The following METTL15 variants were observed in gnomAD, a reference collection of about 807,000 sequenced individuals.
METTL15 encodes methyltransferase 15, mitochondrial 12S rRNA N4-cytidine.
In METTL15, 34 loss-of-function variants were observed where a neutral mutation model predicts 38.3. The ratio of observed to expected loss-of-function variants is 0.89; its 90% confidence interval spans 0.68 to 1.18. The LOEUF (loss-of-function observed/expected upper bound fraction) is 1.18. Among genes scored for constraint, METTL15 ranks in the 50% most tolerant of loss-of-function variants. The pLI is 0.00. For synonymous variants in METTL15, 162 were observed against 170.9 expected (o/e 0.95, Z 0.41); for missense variants, 438 against 498.4 (o/e 0.88, Z 1.15).
chr11:28,421,263 C>T (rs1165524690), intron 5 of METTL15, among the ~76,000 whole-genome samples: 3 of 151,992 alleles, frequency 2.0e-5, no homozygotes, highest in African/African-American at 7.2e-5. Context: ...GGCGGATTCA[C>T]TGCTGAATTT....
chr11:28,190,444 TATTAA>T (rs1375369549), intron 3 of METTL15, among the ~76,000 whole-genome samples: 4 of 151,398 alleles, frequency 2.6e-5, no homozygotes, highest in Non-Finnish European at 5.9e-5. Context: ...TACGTAACTC[TATTAA>T]GAGTGCAAAG....
chr11:28,216,232 T>C (rs1269686104), intron 4 of METTL15, among the ~76,000 whole-genome samples: 7 of 151,908 alleles, frequency 4.6e-5, no homozygotes, highest in Admixed American at 1.3e-4. Flanking sequence ...AGATATAAGA[T>C]TACACTATAA....
At chr11:28,388,603 C>T (rs960271426) in intron 5 of METTL15, among the ~76,000 whole-genome samples, 1 of 152,010 alleles carries the variant, frequency 6.6e-6, no homozygotes, top group East Asian at 1.9e-4. Context: ...GATTACAAGA[C>T]AATATTGTTA....
chr11:28,110,376 C>G lies in METTL15; in HGVS notation c.-43C>G, dbSNP rs954916910. The stretch of plus-strand genomic sequence containing the variant: ...GGTAGTCGCTGGCCCGAGTTAGAGG[C>G]CAGCTGAGAAGTCTTCGTGCTTCAG... On this transcript the variant is annotated 5_prime_UTR_variant, in exon 2 of 7. Coordinates refer to ENST00000407364, the MANE Select transcript of METTL15 (RefSeq NM_001113528.2). The G allele has an allele frequency of 6.6e-6, 1 of 152,246 alleles. No homozygotes were observed. The highest frequency in any genetic ancestry group is 2.4e-5 in the African/African-American group (1 of 41,424). The allele number at this position is 152,246 out of a possible 1,614,324, so 9.4% of individuals were successfully genotyped here. A position where few individuals can be genotyped will look rare whatever the true frequency, so the allele number is the denominator to read the frequency against.
At chr11:28,353,931 CAAAAAA>C (rs374097845) in intron 4 of METTL15, among the ~76,000 whole-genome samples, 967 of 46,330 alleles carry the variant, frequency 0.021, 3 homozygotes, top group Middle Eastern at 0.033. Flanking sequence ...GACTCCGTCT[CAAAAAA>C]AAAAAAAAAA....
intron 4 of METTL15, chr11:28,287,277 C>T: frequency 1.0e-5 from 2 of 199,750 alleles, no homozygotes; most frequent in South Asian, 6.6e-5. Flanking sequence ...GTGTTTTCTT[C>T]TTGCATCTTC....
intron 5 of METTL15, among the ~76,000 whole-genome samples, chr11:28,295,816 A>G (rs1480773451): frequency 6.6e-6 from 1 of 152,090 alleles, no homozygotes; most frequent in East Asian, 1.9e-4. Flanking sequence ...TTGGACCCTC[A>G]GTTCTTAAAG....
intron 4 of METTL15, among the ~76,000 whole-genome samples, chr11:28,253,152 C>T (rs1006294434): frequency 2.0e-5 from 3 of 152,286 alleles, no homozygotes; most frequent in Admixed American, 2.0e-4. Flanking sequence ...TTCCCCTAAG[C>T]TCCACTGAAG....
chr11:28,209,009 T>A (rs185700470), intron 3 of METTL15, among the ~76,000 whole-genome samples: 164 of 152,134 alleles, frequency 1.1e-3, no homozygotes, highest in African/African-American at 2.2e-3. Flanking sequence ...GTTTCTGTGT[T>A]ACACTTGACT....
At position 28,472,327 on chromosome 11, in the gene METTL15, A is replaced by C. The variant is rs1450272946; in HGVS notation, c.*424+47963A>C. Among the ~76,000 whole-genome samples, 10 of 152,174 alleles carry C rather than the reference A, an allele frequency of 6.6e-5. 1 individual carries two copies. Among genetic ancestry groups the C allele is most frequent in the Non-Finnish European group, 1.5e-4 (10 of 68,018 alleles). On this transcript the variant is annotated intron_variant and NMD_transcript_variant, in intron 6 of 7. Transcript: ENST00000532947. The stretch of plus-strand genomic sequence containing the variant: ...TTCCAAAGCACTCAATAAAGTAGTC[A>C]TCAATCTCCTAATACAACTGTAATT...
chr11:28,420,214 T>C (rs1324910812), intron 5 of METTL15, among the ~76,000 whole-genome samples: 1 of 152,046 alleles, frequency 6.6e-6, no homozygotes, highest in African/African-American at 2.4e-5. Context: ...CACCCAGATA[T>C]ATAAAACAAA....
intron 3 of METTL15, among the ~76,000 whole-genome samples, chr11:28,136,542 C>T (rs1467861585): frequency 6.6e-6 from 1 of 152,070 alleles, no homozygotes; most frequent in Non-Finnish European, 1.5e-5. Flanking sequence ...ATGTGGTTTA[C>T]AATAACATAA....
At chr11:28,286,602 A>G (rs2133981673) in intron 4 of METTL15, among the ~76,000 whole-genome samples, 1 of 152,184 alleles carries the variant, frequency 6.6e-6, no homozygotes, top group African/African-American at 2.4e-5. Flanking sequence ...AATAGTGATA[A>G]AATAGCTATC....
chr11:28,204,026 A>G (rs1852214817), intron 3 of METTL15, among the ~76,000 whole-genome samples: 1 of 152,026 alleles, frequency 6.6e-6, no homozygotes, highest in Non-Finnish European at 1.5e-5. Context: ...ATTTTGAAGA[A>G]TGTTTCTAGA....
chr11:28,391,222 T>A (rs577109059), intron 5 of METTL15, among the ~76,000 whole-genome samples: 5 of 152,066 alleles, frequency 3.3e-5, no homozygotes, highest in Non-Finnish European at 7.4e-5. Flanking sequence ...ACCCTTTATT[T>A]CCTTCTCCTG....
At chr11:28,233,597 A>G (rs916866381) in intron 4 of METTL15, among the ~76,000 whole-genome samples, 11 of 152,048 alleles carry the variant, frequency 7.2e-5, no homozygotes, top group Admixed American at 2.6e-4. Context: ...TGAGTGAGGT[A>G]TAAGTGATAA....
At chr11:28,325,499 G>A (rs1371446282) in intron 6 of METTL15, among the ~76,000 whole-genome samples, 1 of 152,214 alleles carries the variant, frequency 6.6e-6, no homozygotes, top group Non-Finnish European at 1.5e-5. Context: ...ACCCGATGAT[G>A]TGAATGAAAC....
At chr11:28,393,161 T>A (rs548249712) in intron 5 of METTL15, among the ~76,000 whole-genome samples, 13 of 152,102 alleles carry the variant, frequency 8.5e-5, no homozygotes, top group Non-Finnish European at 1.3e-4. Context: ...GATCCTTCAA[T>A]CTTACTTTTG....
intron 6 of METTL15, among the ~76,000 whole-genome samples, chr11:28,305,052 G>A (rs1199946825): frequency 6.6e-6 from 1 of 152,090 alleles, no homozygotes; most frequent in African/African-American, 2.4e-5. Context: ...CAAATTTCTC[G>A]AACTCAATCT....
Sources: gnomAD v4.1 joint callset for allele counts (sites outside exome capture counted in the v4.1 genomes callset) on GRCh38, gnomAD v4.1.1 for gene constraint, MANE v1.5 for transcripts, NCBI Gene and HGNC (gene_info 2026-07-23, HGNC 2026-07-21) for gene names.